The following SHANK2 variants were observed in gnomAD, a reference collection of about 807,000 sequenced individuals.
The protein encoded by SHANK2 is SH3 and multiple ankyrin repeat domains protein 2.
A neutral mutation model predicts 133.7 loss-of-function variants in SHANK2; 43 were observed. The observed-to-expected ratio is 0.32, with a 90% CI of 0.25 to 0.41. The LOEUF (loss-of-function observed/expected upper bound fraction) is 0.41, where lower values mean the gene tolerates loss of function less well. Ranked by LOEUF, SHANK2 falls within the 10% of genes least tolerant of loss-of-function variation. The probability of loss-of-function intolerance (pLI) is 1.00; values close to 1 mark genes in which losing one functional copy is unlikely to be tolerated. For missense variants in SHANK2, 1,994 were observed against 2,235.8 expected (o/e 0.89, Z 2.18); for synonymous variants, 1,017 against 952.8 (o/e 1.07, Z -1.24).
rs576626451 is a variant in SHANK2 at position 70,797,500 on chromosome 11, C to T, written c.1777+943G>A. ...AGCCTCCCTGCTAGAGACTGCAAAGCCAGCCAGGTCCAGGACAGACTCCTC... is the reference window on the plus strand; with the variant it reads ...AGCCTCCCTGCTAGAGACTGCAAAGTCAGCCAGGTCCAGGACAGACTCCTC... On this transcript the variant is annotated intron_variant, in intron 14 of 25. Transcript: ENST00000601538. Among the ~76,000 whole-genome samples, 11 of 152,284 alleles carry T rather than the reference C, an allele frequency of 7.2e-5. No homozygotes were observed. In the East Asian group the frequency reaches 1.9e-3, roughly 27 times the overall value.
chr11:71,113,360 C>G lies in SHANK2; in HGVS notation c.416G>C (p.Arg139Pro). The stretch of plus-strand genomic sequence containing the variant: ...TTGTTTATACACCCGCTTCTTGTAT[C>G]GAAACTGGCACAGAAAACAAAAAAG... ...VGEGVPSLEF[R>P]YKKRVYKQAS... The change falls in exon 5 of 26, where the codon CGA becomes CCA. Residue 139 changes from arginine to proline, a missense_variant. Transcript: ENST00000601538. 1 of 1,551,550 alleles carries G rather than the reference C, an allele frequency of 6.4e-7. No individual in the cohort carries two copies. Among genetic ancestry groups the G allele is most frequent in the Non-Finnish European group, 8.7e-7 (1 of 1,146,942 alleles).
At chr11:70,597,718 C>A (rs782445446) in intron 17 of SHANK2, among the ~76,000 whole-genome samples, 1 of 152,110 alleles carries the variant, frequency 6.6e-6, no homozygotes. Flanking sequence ...ACTAAAAATA[C>A]AAAAATTAGC....
rs1381760946 is a variant in SHANK2, at chr11:70,473,787, C to T, written c.4980-348G>A. The T allele has an allele frequency of 8.0e-6, 3 of 372,838 alleles. No individual in the cohort carries two copies. Among genetic ancestry groups the T allele is most frequent in the East Asian group, 6.3e-5 (1 of 15,840 alleles). 23.1% of individuals were successfully genotyped at this position (372,838 alleles called of 1,614,324 possible). Reference sequence around the variant, plus strand: ...ACCTGCCTGTGCTGGGGGGCAGGGCCGGGGGACCCTCGGGAGGGTGGCCAC... The same window carrying T: ...ACCTGCCTGTGCTGGGGGGCAGGGCTGGGGGACCCTCGGGAGGGTGGCCAC... On this transcript the variant is annotated intron_variant, in intron 25 of 25. Transcript: ENST00000601538. The surrounding 1 kb of genome is among the most constrained non-coding windows in gnomAD (Gnocchi z 5.9).
At chr11:71,135,291 T>C (rs1952414547) in intron 3 of SHANK2, among the ~76,000 whole-genome samples, 1 of 152,244 alleles carries the variant, frequency 6.6e-6, no homozygotes, top group Non-Finnish European at 1.5e-5. Flanking sequence ...GGTACAAGGA[T>C]GAGCAGAGCC....
At chr11:70,815,524 C>T (rs1555054115) in intron 12 of SHANK2, among the ~76,000 whole-genome samples, 1 of 152,222 alleles carries the variant, frequency 6.6e-6, no homozygotes, top group East Asian at 1.9e-4. Flanking sequence ...CCTTGCAGCC[C>T]CCTTCCTGTT....
intron 15 of SHANK2, among the ~76,000 whole-genome samples, chr11:70,693,974 T>C (rs1356758479): frequency 1.3e-5 from 2 of 151,808 alleles, no homozygotes; most frequent in Non-Finnish European, 2.9e-5. Flanking sequence ...GCTGAGTGAG[T>C]GGATGGCGGG....
chr11:70,551,292 G>A (rs2059764478), intron 17 of SHANK2, among the ~76,000 whole-genome samples: 1 of 152,150 alleles, frequency 6.6e-6, no homozygotes, highest in African/African-American at 2.4e-5. Flanking sequence ...TGGAGCCTCT[G>A]CTCTGTGCCC....
At chr11:71,098,817 G>A (rs1414804011) in intron 6 of SHANK2, among the ~76,000 whole-genome samples, 3 of 152,084 alleles carry the variant, frequency 2.0e-5, no homozygotes, top group Non-Finnish European at 4.4e-5. Flanking sequence ...GGGGTGATGC[G>A]TAGCCCGCAC....
intron 1 of SHANK2, among the ~76,000 whole-genome samples, chr11:71,225,420 C>T (rs150682479): frequency 3.4e-4 from 52 of 152,206 alleles, no homozygotes; most frequent in African/African-American, 9.4e-4. Context: ...CCTTTCACTC[C>T]GGCATTAGTA....
At chr11:70,579,609 C>T (rs1228450589) in intron 17 of SHANK2, among the ~76,000 whole-genome samples, 2 of 152,342 alleles carry the variant, frequency 1.3e-5, no homozygotes, top group African/African-American at 4.8e-5. Context: ...GTCTCCCGGG[C>T]CTGGGCCGGA....
chr11:70,786,686 A>T (rs577230974), intron 14 of SHANK2, among the ~76,000 whole-genome samples: 1 of 152,280 alleles, frequency 6.6e-6, no homozygotes, highest in Non-Finnish European at 1.5e-5. Flanking sequence ...ATGAAATTTC[A>T]AGAACTAGAA....
At chr11:70,558,706 G>A (rs1305100153) in intron 17 of SHANK2, among the ~76,000 whole-genome samples, 1 of 152,190 alleles carries the variant, frequency 6.6e-6, no homozygotes, top group Non-Finnish European at 1.5e-5. Context: ...CTTGGGCACT[G>A]GGTGAGTGAA....
chr11:70,802,004 G>C (rs538606297), intron 13 of SHANK2, among the ~76,000 whole-genome samples: 10 of 152,304 alleles, frequency 6.6e-5, no homozygotes, highest in South Asian at 2.1e-4. Context: ...CGGAAGCACA[G>C]AGGGGGTGCG....
At position 70,810,617 on chromosome 11, in the gene SHANK2, C is replaced by T. The variant is rs1272713345; in HGVS notation, c.1494-3446G>A. Among the ~76,000 whole-genome samples the T allele has an allele frequency of 2.0e-5, 3 of 152,230 alleles. No individual in the cohort carries two copies. The East Asian group carries it at 5.8e-4, about 29-fold the overall frequency. ...GGGCTCTGTGGACGGCCTGAACCTC[C>T]CGTCACTCCCAGGCTGACCTGCCCC... On this transcript the variant is annotated intron_variant, in intron 12 of 25. Transcript: ENST00000601538.
In SHANK2 at chr11:70,808,315, C is replaced by T. The variant is rs375016610; in HGVS notation, c.1494-1144G>A. On this transcript the variant is annotated intron_variant, in intron 12 of 25. Coordinates refer to ENST00000601538, the MANE Select transcript of SHANK2 (RefSeq NM_012309.5). ...CTCCCAGGTTCAAGCGATTCTCCTGCCTCAGCCTCCTGAGTACCTGGGATT... is the reference window on the plus strand; with the variant it reads ...CTCCCAGGTTCAAGCGATTCTCCTGTCTCAGCCTCCTGAGTACCTGGGATT... Among the ~76,000 whole-genome samples the T allele has an allele frequency of 7.9e-5, 12 of 152,192 alleles. No individual in the cohort carries two copies. The East Asian group carries it at 2.1e-3, about 27-fold the overall frequency.
At chr11:70,806,020 C>A (rs1293171168) in intron 13 of SHANK2, among the ~76,000 whole-genome samples, 3 of 152,250 alleles carry the variant, frequency 2.0e-5, no homozygotes, top group Admixed American at 1.3e-4. Context: ...TTGCAGTAAC[C>A]CAGGTCAAGC....
At chr11:71,144,700 C>T (rs1283788254) in intron 3 of SHANK2, among the ~76,000 whole-genome samples, 3 of 152,144 alleles carry the variant, frequency 2.0e-5, no homozygotes, top group Non-Finnish European at 4.4e-5. Context: ...AAATTCCAGC[C>T]TTCCAGTGTT....
chr11:71,096,665 G>GACTT (rs1383668287), intron 6 of SHANK2, among the ~76,000 whole-genome samples: 3 of 152,182 alleles, frequency 2.0e-5, no homozygotes, highest in Non-Finnish European at 4.4e-5. Context: ...ATCTTACAGC[G>GACTT]ACTTAATGAG....
intron 1 of SHANK2, among the ~76,000 whole-genome samples, chr11:71,225,873 C>T (rs542574236): frequency 3.9e-5 from 6 of 152,308 alleles, no homozygotes; most frequent in Admixed American, 1.3e-4. Flanking sequence ...CCTGTAATCC[C>T]GGCACTTTGG....
Sources: allele counts gnomAD v4.1 joint callset (sites outside exome capture counted in the v4.1 genomes callset), GRCh38; gene constraint gnomAD v4.1.1; non-coding constraint Gnocchi (gnomAD v3.1); transcripts MANE v1.5; gene names NCBI Gene and HGNC (gene_info 2026-07-23, HGNC 2026-07-21).